The following SLC25A27 variants were observed in gnomAD, a reference collection of about 807,000 sequenced individuals.
SLC25A27 encodes mitochondrial uncoupling protein 4.
In SLC25A27, 35 loss-of-function variants were observed where a neutral mutation model predicts 49.1. The ratio of observed to expected loss-of-function variants is 0.71; its 90% confidence interval spans 0.54 to 0.95. SLC25A27 has a LOEUF of 0.95. SLC25A27 is among the 40% of genes least tolerant of loss of function. The probability of loss-of-function intolerance (pLI) is 0.00; values close to 1 mark genes in which losing one functional copy is unlikely to be tolerated. For synonymous variants in SLC25A27, 144 were observed against 136.9 expected, an observed-to-expected ratio of 1.05 and a Z score of -0.36; for missense variants, 339 against 397.1, an observed-to-expected ratio of 0.85 and a Z score of 1.24.
chr6:46,664,227 C>G (rs1582505340), intron 4 of SLC25A27, among the ~76,000 whole-genome samples: 1 of 152,174 alleles, frequency 6.6e-6, no homozygotes, highest in Non-Finnish European at 1.5e-5. Context: ...CTTCATCTAT[C>G]TATAGAGAAA....
At position 46,676,721 on chromosome 6, in the gene SLC25A27, C is replaced by G. The variant is rs1431832376; in HGVS notation, c.*267C>G. 1 of 1,536,458 alleles carries G rather than the reference C, an allele frequency of 6.5e-7. No individual in the cohort carries two copies. ...TTTCTAAAGAAGAATCGAAGCCTGACCACTTTCACCTTGGGCAAGAAGGTT... is the reference window on the plus strand; with the variant it reads ...TTTCTAAAGAAGAATCGAAGCCTGAGCACTTTCACCTTGGGCAAGAAGGTT... On this transcript the variant is annotated 3_prime_UTR_variant, in exon 9 of 9. Coordinates refer to ENST00000371347, the MANE Select transcript of SLC25A27 (RefSeq NM_004277.5).
chr6:46,658,012 A>G (rs1180763625), intron 2 of SLC25A27, among the ~76,000 whole-genome samples: 3 of 152,226 alleles, frequency 2.0e-5, no homozygotes, highest in Non-Finnish European at 4.4e-5. Flanking sequence ...GGAGAATATA[A>G]AGTTGGCTTC....
chr6:46,670,525 C>T (rs111821491), intron 7 of SLC25A27: 45 of 310,572 alleles, frequency 1.4e-4, no homozygotes, highest in Middle Eastern at 2.0e-3. Flanking sequence ...TTTCTTCAGA[C>T]GCTTATGACT....
At chr6:46,669,871 C>G (rs1004917646) in intron 6 of SLC25A27, among the ~76,000 whole-genome samples, 1 of 152,146 alleles carries the variant, frequency 6.6e-6, no homozygotes, top group Non-Finnish European at 1.5e-5. Context: ...ATAAGCTCCT[C>G]AAGGGCAGGG....
intron 2 of SLC25A27, among the ~76,000 whole-genome samples, chr6:46,657,533 A>G (rs115578397): frequency 0.031 from 4,789 of 152,288 alleles, 109 homozygotes; most frequent in Middle Eastern, 0.061. Context: ...AAATGTTAGC[A>G]GTTAATAAAT....
chr6:46,676,759 T>TG lies in SLC25A27; in HGVS notation c.*306dup. The TG allele has an allele frequency of 7.5e-7, 1 of 1,329,004 alleles. No homozygotes were observed. Among genetic ancestry groups the TG allele is most frequent in the Non-Finnish European group, 1.1e-6 (1 of 945,434 alleles). 82.3% of individuals were successfully genotyped at this position (1,329,004 alleles called of 1,614,324 possible). On this transcript the variant is annotated 3_prime_UTR_variant, in exon 9 of 9. Coordinates refer to ENST00000371347, the MANE Select transcript of SLC25A27 (RefSeq NM_004277.5). ...GGGCAAGAAGGTTTGGCCTTTGAGT[T>TG]GCTATTCTATGCTGAAGAGCCTGCT... is the stretch of plus-strand genomic sequence containing the variant.
At chr6:46,660,173 T>TA (rs1471115568) in intron 3 of SLC25A27, among the ~76,000 whole-genome samples, 1 of 151,462 alleles carries the variant, frequency 6.6e-6, no homozygotes, top group African/African-American at 2.4e-5. Context: ...AGTGGTGCAC[T>TA]AATGAGCTGA....
chr6:46,676,576 T>TAA lies in SLC25A27; in HGVS notation c.*122_*123insAA. The TAA allele has an allele frequency of 6.3e-7, 1 of 1,580,202 alleles. No homozygotes were observed. Among genetic ancestry groups the TAA allele is most frequent in the Non-Finnish European group, 8.6e-7 (1 of 1,161,450 alleles). On this transcript the variant is annotated 3_prime_UTR_variant, in exon 9 of 9. Transcript: ENST00000371347. The stretch of plus-strand genomic sequence containing the variant: ...AAGACACCTATTCCACAGAGACTGA[T>TAA]TTATAGGGGGCAGCACTTTATTTTT...
At chr6:46,662,629 C>T (rs1018040819) in intron 4 of SLC25A27, 131 bp downstream of exon 4, 4 of 912,428 alleles carry the variant, frequency 4.4e-6, no homozygotes, top group African/African-American at 3.4e-5. Context: ...TCTGGAAGTT[C>T]ATTAAGAGGA....
At chr6:46,657,701 A>G (rs1024243154) in intron 2 of SLC25A27, among the ~76,000 whole-genome samples, 1 of 152,228 alleles carries the variant, frequency 6.6e-6, no homozygotes, top group Non-Finnish European at 1.5e-5. Flanking sequence ...TAAATTTTTC[A>G]TATTTTTTGA....
intron 1 of SLC25A27, among the ~76,000 whole-genome samples, chr6:46,655,132 A>C (rs975911283): frequency 5.3e-5 from 8 of 152,220 alleles, no homozygotes; most frequent in African/African-American, 1.7e-4. Flanking sequence ...TAGGCGATGC[A>C]TATAATTTAG....
At chr6:46,660,230 C>CTGTGTCTGTGTGTG (rs1554170745) in intron 3 of SLC25A27, among the ~76,000 whole-genome samples, 5 of 147,310 alleles carry the variant, frequency 3.4e-5, no homozygotes, top group Admixed American at 6.8e-5. Context: ...ACCTCTGTGT[C>CTGTGTCTGTGTGTG]TGTGTGTGTG....
chr6:46,653,129 C>A lies in SLC25A27; in HGVS notation c.-64C>A, dbSNP rs1396111246. On this transcript the variant is annotated 5_prime_UTR_variant, in exon 1 of 9. Coordinates refer to ENST00000371347, the MANE Select transcript of SLC25A27 (RefSeq NM_004277.5). ...AGGGGCCGCCCTGGCAGGGAAGCGG[C>A]CGCCGCGGCGCGGTGCAGCGCAGCG... 18 of 1,493,818 alleles carry A rather than the reference C, an allele frequency of 1.2e-5. No homozygotes were observed. The Admixed American group carries it at 3.3e-4, about 27-fold the overall frequency. The allele number at this position is 1,493,818 out of a possible 1,614,324, so 92.5% of individuals were successfully genotyped here.
intron 3 of SLC25A27, among the ~76,000 whole-genome samples, chr6:46,661,061 A>T (rs182035018): frequency 6.6e-6 from 1 of 152,352 alleles, no homozygotes; most frequent in East Asian, 1.9e-4. Context: ...AATGAAAAAG[A>T]AACAGTCCTG....
rs1763827804 is a variant in SLC25A27 at position 46,677,205 on chromosome 6, G to GA, written c.*752dup. Reference sequence around the variant, plus strand: ...ACCGAATCTTGATGAAAAAAGAGAAGAGCATTTGCCTTGTTACATAGTCTG... The same window carrying GA: ...ACCGAATCTTGATGAAAAAAGAGAAGAAGCATTTGCCTTGTTACATAGTCTG... On this transcript the variant is annotated 3_prime_UTR_variant, in exon 9 of 9. Coordinates refer to ENST00000371347, the MANE Select transcript of SLC25A27 (RefSeq NM_004277.5). 6.5e-6 allele frequency: 1 copy of GA among 154,586 alleles called. No homozygotes were observed. Among genetic ancestry groups the GA allele is most frequent in the Non-Finnish European group, 1.4e-5 (1 of 69,750 alleles). The allele number at this position is 154,586 out of a possible 1,614,324, so 9.6% of individuals were successfully genotyped here. A position where few individuals can be genotyped will look rare whatever the true frequency, so the allele number is the denominator to read the frequency against.
intron 4 of SLC25A27, among the ~76,000 whole-genome samples, chr6:46,662,811 A>G (rs939437989): frequency 8.5e-5 from 13 of 152,098 alleles, no homozygotes; most frequent in Non-Finnish European, 1.5e-4. Context: ...GTGAATCTCA[A>G]TTTTGCCACT....
chr6:46,655,531 G>GTTTTTTTTTTTTTTTTT (rs1283936753), intron 1 of SLC25A27, among the ~76,000 whole-genome samples: 4 of 98,548 alleles, frequency 4.1e-5, no homozygotes, highest in African/African-American at 1.5e-4. Flanking sequence ...TATTGTTAAT[G>GTTTTTTTTTTTTTTTTT]TTTGTTTTTT....
At position 46,655,291 on chromosome 6, in the gene SLC25A27, C is replaced by T. The variant is rs77948591; in HGVS notation, c.107-552C>T. On this transcript the variant is annotated intron_variant, in intron 1 of 8. Transcript: ENST00000371347. ...TTCATCTGCATGTGAACATCACCCA[C>T]GAAATTATAGAGTTCAGCTTCATCT... is the stretch of plus-strand genomic sequence containing the variant. Among the ~76,000 whole-genome samples, 1,414 of 152,176 alleles carry T rather than the reference C, an allele frequency of 9.3e-3. 12 individuals carry two copies. Among genetic ancestry groups the T allele is most frequent in the Admixed American group, 0.016 (237 of 15,290 alleles).
Position 46,658,641 on chromosome 6 carries a change from T to C in SLC25A27, c.299-321T>C, listed in dbSNP as rs142001123. 1,645 of 394,296 alleles carry C rather than the reference T, an allele frequency of 4.2e-3. 5 individuals are homozygous for C. Among genetic ancestry groups the C allele is most frequent in the Non-Finnish European group, 6.1e-3 (1,273 of 208,276 alleles). The allele number at this position is 394,296 out of a possible 1,614,324, so 24.4% of individuals were successfully genotyped here. A position where few individuals can be genotyped will look rare whatever the true frequency, so the allele number is the denominator to read the frequency against. On this transcript the variant is annotated intron_variant, in intron 2 of 8. Coordinates refer to ENST00000371347, the MANE Select transcript of SLC25A27 (RefSeq NM_004277.5). ...AAGAGTTAATTTCTAATCAATATGA[T>C]AAAAAGGTCAGAGAGCAGTTTCTGA...
Sources: allele counts gnomAD v4.1 joint callset (sites outside exome capture counted in the v4.1 genomes callset), GRCh38; gene constraint gnomAD v4.1.1; transcripts MANE v1.5; gene names NCBI Gene and HGNC (gene_info 2026-07-23, HGNC 2026-07-21).